Variants in FN1 observed in about 807,000 individuals in gnomAD.
FN1 encodes fibronectin 1.
In FN1, 106 loss-of-function variants were observed where a neutral mutation model predicts 297.3. That is an observed-to-expected ratio of 0.36 (90% CI 0.30 to 0.42). The LOEUF is 0.42. FN1 is among the 10% of genes least tolerant of loss of function. FN1 has a pLI of 1.00. For missense variants in FN1, 2,690 were observed against 3,124.9 expected (o/e 0.86, Z 3.32); for synonymous variants, 1,149 against 1,152.6 (o/e 1.00, Z 0.06).
At chr2:215,422,273 G>A (rs780583843) in intron 9 of FN1, 30 bp from the exon 10 acceptor site, 1 of 1,608,194 alleles carries the variant, frequency 6.2e-7, no homozygotes, top group East Asian at 2.2e-5. Flanking sequence ...AAATGCACTT[G>A]ATAAATGATC....
chr2:215,410,641 G>A (rs2062489156), intron 13 of FN1, among the ~76,000 whole-genome samples: 1 of 152,016 alleles, frequency 6.6e-6, no homozygotes, highest in Admixed American at 6.6e-5. Context: ...CCGAGTAGCT[G>A]GGATTAGAGG....
intron 11 of FN1, among the ~76,000 whole-genome samples, chr2:215,419,926 C>T (rs961543566): frequency 6.6e-6 from 1 of 152,182 alleles, no homozygotes; most frequent in African/African-American, 2.4e-5. Flanking sequence ...AGTTTGTTTT[C>T]TCAGTGAGCA....
At chr2:215,391,843 T>C (rs1293480351) in intron 25 of FN1, 29 bp from the exon 26 acceptor site, 1 of 1,603,434 alleles carries the variant, frequency 6.2e-7, no homozygotes, top group Non-Finnish European at 8.5e-7. Flanking sequence ...GAAGACTCAG[T>C]TAATGTAATT....
intron 25 of FN1, chr2:215,392,718 G>T: frequency 1.7e-6 from 1 of 597,744 alleles, no homozygotes; most frequent in Non-Finnish European, 3.0e-6. Context: ...ATCTACTTGT[G>T]GTTTAAATGA....
chr2:215,374,505 G>A (rs1053336254), intron 38 of FN1, among the ~76,000 whole-genome samples: 2 of 152,150 alleles, frequency 1.3e-5, no homozygotes, highest in African/African-American at 4.8e-5. Context: ...GTAAGTATCT[G>A]GAAGTTCCTC....
rs767554900 is a variant in FN1 at position 215,414,851 on chromosome 2, G to A, written c.1927C>T (p.Leu643Phe). ...GGGATACTCACAGGTCTCCACCTGAGAATGTACTTGGAAATGTGAGATGGC... is the reference window on the plus strand; with the variant it reads ...GGGATACTCACAGGTCTCCACCTGAAAATGTACTTGGAAATGTGAGATGGC... The part of the protein sequence containing the change: ...PQPSHISKYI[L>F]RWRPKNSVGR... The change falls in exon 13 of 46, where the codon CTC (leucine) becomes TTC (phenylalanine). Residue 643 changes from leucine (L) to phenylalanine (F), a missense_variant. This residue lies in a region of FN1 where 876 missense variants were observed against 1,058.1 expected (regional missense o/e 0.83). Coordinates refer to ENST00000354785, the MANE Select transcript of FN1 (RefSeq NM_212482.4). The A allele has an allele frequency of 3.1e-6, 5 of 1,613,726 alleles. No individual in the cohort carries two copies. The Admixed American group carries it at 8.3e-5, about 27-fold the overall frequency.
chr2:215,412,490 G>A (rs977649653), intron 13 of FN1, among the ~76,000 whole-genome samples: 1 of 152,104 alleles, frequency 6.6e-6, no homozygotes, highest in East Asian at 1.9e-4. Context: ...AGGCTGGAGT[G>A]CAGTAGTGCC....
rs1462018886 is a variant in FN1 at position 215,382,145 on chromosome 2, G to A, written c.5164+67C>T. ...TATGTGTAATTGCAAAAGACATGTCGTGGGCATTCAGACACCCAAGAACAA... is the reference window on the plus strand; with the variant it reads ...TATGTGTAATTGCAAAAGACATGTCATGGGCATTCAGACACCCAAGAACAA... On this transcript the variant is annotated intron_variant, in intron 32 of 45. Transcript: ENST00000354785. 38 of 924,314 alleles carry A rather than the reference G, an allele frequency of 4.1e-5. No homozygotes were observed. In the East Asian group the frequency reaches 5.8e-4, roughly 14 times the overall value. 57.3% of individuals were successfully genotyped at this position (924,314 alleles called of 1,614,324 possible).
At chr2:215,434,174 A>C (rs1417635646) in intron 2 of FN1, among the ~76,000 whole-genome samples, 1 of 151,940 alleles carries the variant, frequency 6.6e-6, no homozygotes, top group Non-Finnish European at 1.5e-5. Flanking sequence ...ACAGTTGTTA[A>C]TCCTATGATT....
chr2:215,384,254 T>A, intron 29 of FN1, 70 bp from the exon 30 acceptor site: 2 of 1,389,666 alleles, frequency 1.4e-6, no homozygotes, highest in Non-Finnish European at 2.0e-6. Flanking sequence ...ATTAATTGAA[T>A]TACCACATTT....
intron 44 of FN1, chr2:215,364,384 T>G (rs1338922217): frequency 4.3e-6 from 1 of 231,662 alleles, no homozygotes; most frequent in Non-Finnish European, 8.6e-6. Context: ...TACACTGCAC[T>G]TAACACTTTG....
At chr2:215,371,109 A>G (rs974365760) in intron 40 of FN1, among the ~76,000 whole-genome samples, 3 of 139,936 alleles carry the variant, frequency 2.1e-5, no homozygotes, top group African/African-American at 7.3e-5. Context: ...CTCTACTAAA[A>G]ATACAAAAAT....
intron 28 of FN1, among the ~76,000 whole-genome samples, chr2:215,385,438 T>A (rs1003895681): frequency 6.6e-6 from 1 of 151,696 alleles, no homozygotes; most frequent in Non-Finnish European, 1.5e-5. Context: ...GGCGGGCACC[T>A]GTAGTCCCAG....
chr2:215,435,537 C>T, intron 1 of FN1, 118 bp downstream of exon 1: 1 of 1,451,130 alleles, frequency 6.9e-7, no homozygotes. Flanking sequence ...TGGTTTCTCT[C>T]AGTAAAGCGC....
chr2:215,429,528 TACC>T (rs2066092257), intron 5 of FN1, among the ~76,000 whole-genome samples: 1 of 152,236 alleles, frequency 6.6e-6, no homozygotes, highest in Non-Finnish European at 1.5e-5. Flanking sequence ...CACATCCATC[TACC>T]ACAAGAATAG....
intron 13 of FN1, among the ~76,000 whole-genome samples, chr2:215,413,358 A>G (rs1575678973): frequency 6.6e-6 from 1 of 152,178 alleles, no homozygotes; most frequent in Non-Finnish European, 1.5e-5. Context: ...ACCTCAGGTA[A>G]TCTGCCCGGC....
intron 23 of FN1, among the ~76,000 whole-genome samples, chr2:215,396,531 T>A (rs1475437828): frequency 6.6e-6 from 1 of 151,564 alleles, no homozygotes; most frequent in Non-Finnish European, 1.5e-5. Context: ...AGAATATAAT[T>A]AAAAAAAAAT....
intron 6 of FN1, among the ~76,000 whole-genome samples, chr2:215,427,425 G>A (rs780917633): frequency 6.6e-6 from 1 of 152,090 alleles, no homozygotes; most frequent in Admixed American, 6.5e-5. Context: ...AGGAGTGCAC[G>A]TCCTTGTTGG....
chr2:215,371,795 G>A (rs2056218788), intron 40 of FN1, 114 bp downstream of exon 40: 2 of 890,728 alleles, frequency 2.2e-6, no homozygotes, highest in East Asian at 2.6e-5. Flanking sequence ...TTACAGGCGT[G>A]AGCCATCACA....
Sources: gnomAD v4.1 joint callset for allele counts (sites outside exome capture counted in the v4.1 genomes callset) on GRCh38, gnomAD v4.1.1 for gene constraint, gnomAD v4.1.1 regional missense constraint, MANE v1.5 for transcripts, NCBI Gene and HGNC (gene_info 2026-07-23, HGNC 2026-07-21) for gene names.